Variants in CFAP61 observed in about 807,000 individuals in gnomAD.
CFAP61 encodes cilia- and flagella-associated protein 61.
Under a neutral mutation model 135.6 loss-of-function variants are expected in CFAP61, and 107 were observed. That is an observed-to-expected ratio of 0.79 (90% CI 0.67 to 0.93). The LOEUF is 0.93. CFAP61 is among the 40% of genes least tolerant of loss of function. The pLI is 0.00. For synonymous variants in CFAP61, 575 were observed against 578.5 expected (o/e 0.99, Z 0.09); for missense variants, 1,507 against 1,556.2 (o/e 0.97, Z 0.53).
chr20:20,348,815 A>C (rs1424591312), intron 26 of CFAP61, among the ~76,000 whole-genome samples: 3 of 151,804 alleles, frequency 2.0e-5, no homozygotes, highest in Admixed American at 2.0e-4. Flanking sequence ...AAAAAAAACA[A>C]ACTGTCAATA....
At position 20,343,807 on chromosome 20, in the gene CFAP61, A is replaced by T. The variant is rs1022729912; in HGVS notation, c.3513+1886A>T. ...CCAGGGGGTTTTAGTCTTAAAGCTTAAAAGGGAAGCCATGGAAACTGTCAA... is the reference window on the plus strand; with the variant it reads ...CCAGGGGGTTTTAGTCTTAAAGCTTTAAAGGGAAGCCATGGAAACTGTCAA... On this transcript the variant is annotated intron_variant, in intron 26 of 26. Transcript: ENST00000245957. 2.0e-5 allele frequency among the ~76,000 whole-genome samples: 3 copies of T among 152,340 alleles called. No individual in the cohort carries two copies. In the East Asian group the frequency reaches 5.8e-4, roughly 29 times the overall value.
At chr20:20,256,093 C>T (rs187592781) in intron 20 of CFAP61, among the ~76,000 whole-genome samples, 144 of 152,328 alleles carry the variant, frequency 9.5e-4, no homozygotes, top group African/African-American at 3.3e-3. Context: ...AGGCACTGGG[C>T]ATGTGAGTGA....
chr20:20,113,270 T>C (rs1165039093), intron 8 of CFAP61, among the ~76,000 whole-genome samples: 1 of 152,210 alleles, frequency 6.6e-6, no homozygotes, highest in Non-Finnish European at 1.5e-5. Context: ...TTCACTGTGG[T>C]CTTATCTTCT....
chr20:20,175,301 C>T (rs2054526458), intron 13 of CFAP61, among the ~76,000 whole-genome samples: 1 of 152,212 alleles, frequency 6.6e-6, no homozygotes, highest in Non-Finnish European at 1.5e-5. Context: ...TTCATATGCT[C>T]TTCAGTTCCA....
intron 17 of CFAP61, 30 bp downstream of exon 17, chr20:20,199,932 G>C: frequency 6.2e-7 from 1 of 1,611,136 alleles, no homozygotes; most frequent in East Asian, 2.2e-5. Flanking sequence ...GCAGGGCGGC[G>C]CGGTGCCAGC....
At chr20:20,144,603 G>T (rs551379397) in intron 9 of CFAP61, among the ~76,000 whole-genome samples, 1 of 102,272 alleles carries the variant, frequency 9.8e-6, no homozygotes, top group Admixed American at 8.8e-5. Context: ...GAGACGCTAG[G>T]ACAGAAAAAA....
At chr20:20,080,000 C>G (rs923241383) in intron 6 of CFAP61, among the ~76,000 whole-genome samples, 1 of 152,074 alleles carries the variant, frequency 6.6e-6, no homozygotes, top group African/African-American at 2.4e-5. Flanking sequence ...ACAAGAATCT[C>G]CACAAATTAA....
rs748657585 is a variant in CFAP61, at chr20:20,251,612, A to G, written c.2177A>G (p.Lys726Arg). ...CTTTGCAGCCACTGTTTTAATGATA[A>G]AGATTATGCACTGATGTCACTGTGC... ...FLASDHCFND[K>R]DYALMSLCSW... Residue 726 changes from lysine (K) to arginine (R), a missense_variant, in exon 20 of 27, where the codon AAA becomes AGA. By Grantham distance (26) the Lys-to-Arg change is conservative. Coordinates refer to ENST00000245957, the MANE Select transcript of CFAP61 (RefSeq NM_015585.4). 2.5e-6 allele frequency: 4 copies of G among 1,614,108 alleles called. No individual in the cohort carries two copies. The highest frequency in any genetic ancestry group is 1.7e-5 in the Admixed American group (1 of 60,020).
Position 20,188,019 on chromosome 20 carries a change from A to T in CFAP61, c.1475A>T (p.Glu492Val). 6.2e-7 allele frequency: 1 copy of T among 1,614,144 alleles called. No homozygotes were observed. Among genetic ancestry groups the T allele is most frequent in the South Asian group, 1.1e-5 (1 of 91,080 alleles). ...STLMLNKSIL[E>V]DLDRYNKARK... The stretch of plus-strand genomic sequence containing the variant: ...CTCATGTTGAATAAAAGCATATTGG[A>T]GGACTTAGACCGTTACAACAAGGCT... Residue 492 changes from glutamate (E) to valine (V), a missense_variant, in exon 14 of 27, where the codon GAG becomes GTG. Physicochemically the swap from Glu to Val is moderately radical, Grantham distance 121. Coordinates refer to ENST00000245957, the MANE Select transcript of CFAP61 (RefSeq NM_015585.4).
intron 17 of CFAP61, among the ~76,000 whole-genome samples, chr20:20,209,456 T>A (rs1285025187): frequency 6.6e-6 from 1 of 152,262 alleles, no homozygotes; most frequent in Non-Finnish European, 1.5e-5. Context: ...AAAAGATGAT[T>A]TCTCTTGGCA....
intron 21 of CFAP61, among the ~76,000 whole-genome samples, chr20:20,276,618 TA>T (rs1009225756): frequency 3.3e-5 from 5 of 152,352 alleles, no homozygotes; most frequent in African/African-American, 1.2e-4. Flanking sequence ...CTTGACACAT[TA>T]TATTCTAAAA....
At chr20:20,340,668 G>A (rs1012885477) in intron 25 of CFAP61, among the ~76,000 whole-genome samples, 4 of 152,132 alleles carry the variant, frequency 2.6e-5, no homozygotes, top group East Asian at 1.9e-4. Context: ...AGGCGGTTCC[G>A]CCACCAGACG....
intron 13 of CFAP61, among the ~76,000 whole-genome samples, chr20:20,187,031 C>G (rs758892340): frequency 6.6e-6 from 1 of 152,196 alleles, no homozygotes; most frequent in Non-Finnish European, 1.5e-5. Flanking sequence ...AACCTCTGCA[C>G]CAGGATGCAC....
At chr20:20,129,486 A>G (rs537824595) in intron 8 of CFAP61, among the ~76,000 whole-genome samples, 1 of 151,462 alleles carries the variant, frequency 6.6e-6, no homozygotes, top group African/African-American at 2.4e-5. Flanking sequence ...TGCTTTTAGG[A>G]TCCTCTCTTT....
At chr20:20,285,489 T>C (rs1473500092) in intron 22 of CFAP61, among the ~76,000 whole-genome samples, 1 of 152,200 alleles carries the variant, frequency 6.6e-6, no homozygotes, top group Admixed American at 6.5e-5. Context: ...TTCAGTCTCT[T>C]TTTTCTCTTT....
At chr20:20,294,928 C>G (rs1331486678) in intron 24 of CFAP61, among the ~76,000 whole-genome samples, 1 of 134,832 alleles carries the variant, frequency 7.4e-6, no homozygotes, top group Non-Finnish European at 1.6e-5. Context: ...GAGCGAGACT[C>G]CGTCTCAAAA....
At chr20:20,243,019 A>G (rs926659714) in intron 18 of CFAP61, among the ~76,000 whole-genome samples, 3 of 152,220 alleles carry the variant, frequency 2.0e-5, no homozygotes, top group Admixed American at 1.3e-4. Context: ...CGCTGCTGAT[A>G]AAGACATACC....
chr20:20,210,993 C>T (rs921418144), intron 17 of CFAP61, among the ~76,000 whole-genome samples: 2 of 152,106 alleles, frequency 1.3e-5, no homozygotes, highest in African/African-American at 4.8e-5. Flanking sequence ...ATGGGTTTTG[C>T]CTTCCTGGAA....
chr20:20,123,953 G>A (rs893432874), intron 8 of CFAP61, among the ~76,000 whole-genome samples: 2 of 136,698 alleles, frequency 1.5e-5, no homozygotes, highest in East Asian at 2.1e-4. Flanking sequence ...TTGCCTTCTT[G>A]GTTATGTATA....
Sources: allele counts gnomAD v4.1 joint callset (sites outside exome capture counted in the v4.1 genomes callset), GRCh38; gene constraint gnomAD v4.1.1; transcripts MANE v1.5; gene names NCBI Gene and HGNC (gene_info 2026-07-23, HGNC 2026-07-21).